Variants in SNX29 observed in about 807,000 individuals in gnomAD.
The protein encoded by SNX29 is sorting nexin 29.
In SNX29, 78 loss-of-function variants were observed where a neutral mutation model predicts 102.1. The ratio of observed to expected loss-of-function variants is 0.76; its 90% CI spans 0.64 to 0.92. The LOEUF is 0.92. Ranked by LOEUF, SNX29 falls within the 40% of genes least tolerant of loss-of-function variation. The pLI is 0.00. For missense variants in SNX29, 1,280 were observed against 1,061.7 expected, an observed-to-expected ratio of 1.21 and a Z score of -2.86; for synonymous variants, 580 against 414.5, an observed-to-expected ratio of 1.40 and a Z score of -4.85.
intron 15 of SNX29, among the ~76,000 whole-genome samples, chr16:12,295,545 A>G (rs2079952181): frequency 6.6e-6 from 1 of 152,172 alleles, no homozygotes; most frequent in Admixed American, 6.5e-5. Flanking sequence ...TGGAGCAGAG[A>G]GCTGAATATA....
At chr16:12,123,540 A>G (rs553262482) in intron 11 of SNX29, among the ~76,000 whole-genome samples, 1 of 152,292 alleles carries the variant, frequency 6.6e-6, no homozygotes, top group South Asian at 2.1e-4. Flanking sequence ...TATCATATAC[A>G]TATACATCTA....
intron 14 of SNX29, among the ~76,000 whole-genome samples, chr16:12,256,689 T>C (rs1326883170): frequency 6.6e-6 from 1 of 152,178 alleles, no homozygotes; most frequent in Non-Finnish European, 1.5e-5. Flanking sequence ...AAGTGCCTGC[T>C]ATGTGCCAGG....
chr16:12,567,437 C>T (rs967677762), intron 20 of SNX29, among the ~76,000 whole-genome samples: 2 of 152,208 alleles, frequency 1.3e-5, no homozygotes, highest in African/African-American at 4.8e-5. Context: ...TAAGAACATT[C>T]CTAGCCCCAG....
intron 15 of SNX29, among the ~76,000 whole-genome samples, chr16:12,300,912 C>T (rs771516302): frequency 5.3e-5 from 8 of 152,162 alleles, no homozygotes; most frequent in Non-Finnish European, 1.0e-4. Context: ...CTCGACATTC[C>T]GTACTCTGCC....
At chr16:12,305,805 C>G (rs747982642) in intron 15 of SNX29, among the ~76,000 whole-genome samples, 2 of 152,088 alleles carry the variant, frequency 1.3e-5, no homozygotes, top group African/African-American at 2.4e-5. Flanking sequence ...GACTGTGTTT[C>G]CACTTAGAAT....
At chr16:12,464,892 C>T (rs970841918) in intron 18 of SNX29, among the ~76,000 whole-genome samples, 1 of 152,170 alleles carries the variant, frequency 6.6e-6, no homozygotes. Flanking sequence ...GTTTCCTTTT[C>T]TCGATACCCT....
chr16:12,389,360 C>CG (rs559028331), intron 16 of SNX29, among the ~76,000 whole-genome samples: 79 of 152,248 alleles, frequency 5.2e-4, no homozygotes, highest in African/African-American at 1.9e-3. Flanking sequence ...AATCGAATCA[C>CG]GGGGGCGGTT....
chr16:12,352,106 G>C (rs1203529449), intron 15 of SNX29, among the ~76,000 whole-genome samples: 1 of 152,056 alleles, frequency 6.6e-6, no homozygotes, highest in East Asian at 1.9e-4. Context: ...TGATAGACTT[G>C]GAACCCACCC....
At chr16:12,566,181 C>A (rs867076565) in intron 20 of SNX29, among the ~76,000 whole-genome samples, 2 of 152,276 alleles carry the variant, frequency 1.3e-5, no homozygotes, top group Middle Eastern at 3.4e-3. Flanking sequence ...TTTAGGTAGC[C>A]CTTGAATCCT....
rs757805840 is a variant in SNX29 at position 12,568,499 on chromosome 16, C to T, written c.2319-7C>T. 51 of 1,609,598 alleles carry T rather than the reference C, an allele frequency of 3.2e-5. No individual in the cohort carries two copies. The Middle Eastern group carries it at 6.6e-4, about 21-fold the overall frequency. On this transcript the variant is annotated splice_polypyrimidine_tract_variant and splice_region_variant and intron_variant, in intron 20 of 20. Coordinates refer to ENST00000566228, the MANE Select transcript of SNX29 (RefSeq NM_032167.5). ...GACTTAACCCGATTCTCTCCCTGCT[C>T]TTTCAGCGACATCACCCCGCCCGGA...
At chr16:12,193,146 A>C (rs950433647) in intron 13 of SNX29, among the ~76,000 whole-genome samples, 1 of 152,164 alleles carries the variant, frequency 6.6e-6, no homozygotes, top group Non-Finnish European at 1.5e-5. Context: ...ATTTATCATA[A>C]TGTTTTTGGA....
Position 12,571,777 on chromosome 16 carries a change from C to T in SNX29, c.*3148C>T. ...CACTCCTGATCTGAGACAGAACCTTCTCCGCCACTCTTCCTGCAATCAGTG... is the reference window on the plus strand; with the variant it reads ...CACTCCTGATCTGAGACAGAACCTTTTCCGCCACTCTTCCTGCAATCAGTG... On this transcript the variant is annotated 3_prime_UTR_variant, in exon 21 of 21. Coordinates refer to ENST00000566228, the MANE Select transcript of SNX29 (RefSeq NM_032167.5). 1 of 1,007,688 alleles carries T rather than the reference C, an allele frequency of 9.9e-7. No individual in the cohort carries two copies. The highest frequency in any genetic ancestry group is 1.2e-6 in the Non-Finnish European group (1 of 827,860). The allele number at this position is 1,007,688 out of a possible 1,614,324, so 62.4% of individuals were successfully genotyped here.
At chr16:12,079,253 T>G (rs2051741425) in intron 11 of SNX29, among the ~76,000 whole-genome samples, 1 of 152,258 alleles carries the variant, frequency 6.6e-6, no homozygotes, top group Non-Finnish European at 1.5e-5. Flanking sequence ...GAAGGACTCA[T>G]TTTTGTAAGT....
chr16:12,047,427 T>C (rs1311188353), intron 6 of SNX29, among the ~76,000 whole-genome samples: 3 of 152,176 alleles, frequency 2.0e-5, no homozygotes, highest in Non-Finnish European at 4.4e-5. Context: ...AGAAAAAGAA[T>C]TTGACCATAA....
At chr16:12,229,711 T>G (rs1229404316) in intron 14 of SNX29, among the ~76,000 whole-genome samples, 1 of 152,024 alleles carries the variant, frequency 6.6e-6, no homozygotes, top group Non-Finnish European at 1.5e-5. Context: ...TGAAGTAGTG[T>G]AGAGGGTTGC....
chr16:12,558,864 C>A (rs2078540832), intron 20 of SNX29, among the ~76,000 whole-genome samples: 1 of 152,184 alleles, frequency 6.6e-6, no homozygotes, highest in East Asian at 1.9e-4. Context: ...CACAGGCAGC[C>A]CATTTGCAGA....
At chr16:12,485,392 C>T (rs993080574) in intron 19 of SNX29, among the ~76,000 whole-genome samples, 5 of 152,244 alleles carry the variant, frequency 3.3e-5, no homozygotes, top group African/African-American at 1.2e-4. Flanking sequence ...TAGATTCCGT[C>T]TCCAAAAGTT....
chr16:12,074,381 T>C (rs1293539255), intron 10 of SNX29, among the ~76,000 whole-genome samples: 1 of 152,130 alleles, frequency 6.6e-6, no homozygotes, highest in Non-Finnish European at 1.5e-5. Context: ...ACAAAATCTC[T>C]CAGCATTTGC....
At chr16:12,421,571 C>G (rs2084872399) in intron 18 of SNX29, among the ~76,000 whole-genome samples, 1 of 152,208 alleles carries the variant, frequency 6.6e-6, no homozygotes. Context: ...TAGAATTTTC[C>G]TATCAGAGTG....
Sources: allele counts gnomAD v4.1 joint callset (sites outside exome capture counted in the v4.1 genomes callset), GRCh38; gene constraint gnomAD v4.1.1; transcripts MANE v1.5; gene names NCBI Gene and HGNC (gene_info 2026-07-23, HGNC 2026-07-21).